The following ATG5 variants were observed in gnomAD, a reference collection of about 807,000 sequenced individuals.
The protein encoded by ATG5 is autophagy protein 5.
ATG5 carries 14 observed loss-of-function variants against 36.5 expected under a neutral mutation model. The ratio of observed to expected loss-of-function variants is 0.38; its 90% CI spans 0.25 to 0.60. ATG5 has a LOEUF of 0.60. Ranked by LOEUF, ATG5 falls within the 20% of genes least tolerant of loss-of-function variation. The probability of loss-of-function intolerance (pLI) is 0.60; values close to 1 mark genes in which losing one functional copy is unlikely to be tolerated. For missense variants in ATG5, 195 were observed against 326.7 expected, an observed-to-expected ratio of 0.60 and a Z score of 3.11; for synonymous variants, 95 against 101.5, an observed-to-expected ratio of 0.94 and a Z score of 0.38.
Position 106,192,386 on chromosome 6 carries a change from C to T in ATG5, c.692-5710G>A, listed in dbSNP as rs146217828. Among the ~76,000 whole-genome samples the T allele has an allele frequency of 2.1e-3, 324 of 152,190 alleles. 1 individual carries two copies. Among genetic ancestry groups the T allele is most frequent in the African/African-American group, 7.5e-3 (313 of 41,542 alleles). Reference sequence around the variant, plus strand: ...TACTAATTACCTTTCTCATCCCAATCTGGGTTTTAGGTCTTATTCAACTAA... The same window carrying T: ...TACTAATTACCTTTCTCATCCCAATTTGGGTTTTAGGTCTTATTCAACTAA... On this transcript the variant is annotated intron_variant, in intron 7 of 7. Transcript: ENST00000369076.
intron 7 of ATG5, among the ~76,000 whole-genome samples, chr6:106,196,108 G>A (rs1776177328): frequency 6.6e-6 from 1 of 152,080 alleles, no homozygotes; most frequent in African/African-American, 2.4e-5. Flanking sequence ...AGAGTGGTCA[G>A]GATTATATAT....
At chr6:106,256,393 G>A (rs933750358) in intron 5 of ATG5, among the ~76,000 whole-genome samples, 4 of 152,122 alleles carry the variant, frequency 2.6e-5, no homozygotes, top group African/African-American at 9.7e-5. Flanking sequence ...CTAATGTGCA[G>A]GACCCACTCC....
At chr6:106,221,069 A>G (rs1777229724) in intron 6 of ATG5, among the ~76,000 whole-genome samples, 1 of 152,214 alleles carries the variant, frequency 6.6e-6, no homozygotes. Flanking sequence ...ATGTCAACCA[A>G]TGAAAAATGG....
Position 106,233,407 on chromosome 6 carries a change from G to A in ATG5, c.573+14743C>T, listed in dbSNP as rs530313453. Among the ~76,000 whole-genome samples, 71 of 152,306 alleles carry A rather than the reference G, an allele frequency of 4.7e-4. 1 individual carries two copies. The highest frequency in any genetic ancestry group is 1.6e-3 in the African/African-American group (65 of 41,556). ...TAAGATGGACACCTGAAGCAGAAGC[G>A]GCTTTCCAGGCCCTAAAGAAGGCCC... On this transcript the variant is annotated intron_variant, in intron 6 of 7. Transcript: ENST00000369076.
rs528144430 is a variant in ATG5, at chr6:106,231,285, G to C, written c.573+16865C>G. ...TTGATCTGATATGGAGAGATATAAT[G>C]TTACTGCTAAATCAGACACTAACCC... On this transcript the variant is annotated intron_variant, in intron 6 of 7. Coordinates refer to ENST00000369076, the MANE Select transcript of ATG5 (RefSeq NM_004849.4). Among the ~76,000 whole-genome samples, 8 of 152,328 alleles carry C rather than the reference G, an allele frequency of 5.3e-5. No homozygotes were observed. In the East Asian group the frequency reaches 1.5e-3, roughly 29 times the overall value.
chr6:106,222,826 C>T (rs907944280), intron 6 of ATG5, among the ~76,000 whole-genome samples: 1 of 152,112 alleles, frequency 6.6e-6, no homozygotes, highest in Non-Finnish European at 1.5e-5. Flanking sequence ...ACAGTAACAG[C>T]ATTTAACCCA....
intron 4 of ATG5, among the ~76,000 whole-genome samples, chr6:106,280,288 AAAG>A (rs1239801193): frequency 6.6e-6 from 1 of 151,676 alleles, no homozygotes; most frequent in East Asian, 1.9e-4. Flanking sequence ...AAAAAAAAAA[AAAG>A]AAAGAAAAGA....
At chr6:106,190,541 A>G (rs1775932907) in intron 7 of ATG5, among the ~76,000 whole-genome samples, 1 of 152,206 alleles carries the variant, frequency 6.6e-6, no homozygotes, top group African/African-American at 2.4e-5. Context: ...TTTAATCTGC[A>G]ACCGTTTTTT....
intron 5 of ATG5, among the ~76,000 whole-genome samples, chr6:106,269,891 A>G (rs545926624): frequency 2.0e-5 from 3 of 152,312 alleles, no homozygotes; most frequent in East Asian, 3.9e-4. Flanking sequence ...AGTGCCCCCA[A>G]AGTAGGAGCC....
At chr6:106,317,654 C>T (rs960938573) in intron 1 of ATG5, among the ~76,000 whole-genome samples, 1 of 152,198 alleles carries the variant, frequency 6.6e-6, no homozygotes, top group Non-Finnish European at 1.5e-5. Flanking sequence ...AAAACAACTA[C>T]TTTAAGCGAA....
chr6:106,229,414 C>CAGAG (rs377704575), intron 6 of ATG5, among the ~76,000 whole-genome samples: 1 of 148,960 alleles, frequency 6.7e-6, no homozygotes, highest in Non-Finnish European at 1.5e-5. Flanking sequence ...CAGACAGAGA[C>CAGAG]AGAGAGAGAG....
At chr6:106,206,793 T>A (rs1582548641) in intron 6 of ATG5, among the ~76,000 whole-genome samples, 1 of 152,312 alleles carries the variant, frequency 6.6e-6, no homozygotes, top group Admixed American at 6.5e-5. Flanking sequence ...GCAATGGGAA[T>A]GGAGGACATA....
Position 106,204,554 on chromosome 6 carries a change from G to A in ATG5, c.574-2465C>T, listed in dbSNP as rs991139576. On this transcript the variant is annotated intron_variant, in intron 6 of 7. Coordinates refer to ENST00000369076, the MANE Select transcript of ATG5 (RefSeq NM_004849.4). The stretch of plus-strand genomic sequence containing the variant: ...AAATTGTAATCCCCACCCGTCTAGG[G>A]AGGGACTGTAATCCCCATGTGTCGA... Among the ~76,000 whole-genome samples the A allele has an allele frequency of 1.1e-4, 16 of 152,260 alleles. No homozygotes were observed. The East Asian group carries it at 3.1e-3, about 29-fold the overall frequency.
rs1330978852 is a variant in ATG5 at position 106,308,376 on chromosome 6, G to A, written c.224C>T (p.Thr75Ile). The A allele has an allele frequency of 5.1e-6, 8 of 1,572,984 alleles. No homozygotes were observed. Among genetic ancestry groups the A allele is most frequent in the South Asian group, 1.2e-5 (1 of 83,130 alleles). The change falls in exon 3 of 8, where the codon ACA (threonine) becomes ATA (isoleucine). Residue 75 changes from threonine to isoleucine, a missense_variant. Thr to Ile is a moderately conservative substitution (Grantham distance 89, BLOSUM62 -1). Coordinates refer to ENST00000369076, the MANE Select transcript of ATG5 (RefSeq NM_004849.4). ...ISEIWFEYEG[T>I]PLKWHYPIGL... ...AAAATTCACTCACCATTTCAGTGGT[G>A]TGCCTTCATATTCAAACCATATCTC...
chr6:106,247,930 T>C (rs746695261), intron 6 of ATG5, among the ~76,000 whole-genome samples: 2 of 152,218 alleles, frequency 1.3e-5, no homozygotes, highest in Non-Finnish European at 2.9e-5. Flanking sequence ...AGCATGTGAA[T>C]CTGCCAATAT....
At chr6:106,208,392 A>G (rs1776721379) in intron 6 of ATG5, among the ~76,000 whole-genome samples, 1 of 152,252 alleles carries the variant, frequency 6.6e-6, no homozygotes, top group South Asian at 2.1e-4. Flanking sequence ...CACTAGTTTT[A>G]GAACACTGTA....
At chr6:106,316,925 G>A (rs1438532366) in intron 1 of ATG5, among the ~76,000 whole-genome samples, 1 of 151,914 alleles carries the variant, frequency 6.6e-6, no homozygotes, top group East Asian at 1.9e-4. Context: ...CCCCTACCTA[G>A]TATGCTCCTC....
intron 1 of ATG5, among the ~76,000 whole-genome samples, chr6:106,317,668 T>C (rs1770904022): frequency 6.6e-6 from 1 of 152,234 alleles, no homozygotes; most frequent in South Asian, 2.1e-4. Flanking sequence ...AAGCGAATGA[T>C]ATACATGCAT....
intron 4 of ATG5, among the ~76,000 whole-genome samples, chr6:106,290,600 A>G (rs747346752): frequency 6.6e-6 from 1 of 152,156 alleles, no homozygotes; most frequent in Non-Finnish European, 1.5e-5. Context: ...TGCAGGTGTG[A>G]GGTATCATGC....
Sources: gnomAD v4.1 joint callset for allele counts (sites outside exome capture counted in the v4.1 genomes callset) on GRCh38, gnomAD v4.1.1 for gene constraint, MANE v1.5 for transcripts, NCBI Gene and HGNC (gene_info 2026-07-23, HGNC 2026-07-21) for gene names.